Variants in SOCS7 observed in about 807,000 individuals in gnomAD.
SOCS7 encodes the protein NAP-4.
SOCS7 carries 18 observed loss-of-function variants against 58.9 expected under a neutral mutation model. The observed-to-expected ratio is 0.31, with a 90% CI of 0.21 to 0.45. The LOEUF is 0.45. Ranked by LOEUF, SOCS7 falls within the 20% of genes least tolerant of loss-of-function variation. The pLI is 1.00. For missense variants in SOCS7, 667 were observed against 837.3 expected, an observed-to-expected ratio of 0.80 and a Z score of 2.51; for synonymous variants, 388 against 364.3, an observed-to-expected ratio of 1.06 and a Z score of -0.74.
chr17:38,396,895 A>T (rs1203265094), intron 9 of SOCS7, among the ~76,000 whole-genome samples: 1 of 152,186 alleles, frequency 6.6e-6, no homozygotes, highest in African/African-American at 2.4e-5. Context: ...GCCTTTGGAA[A>T]TGACTAAATA....
rs41473346 is a variant in SOCS7, at chr17:38,367,831, T to G, written c.1384-51T>G. 4,756 of 1,555,202 alleles carry G rather than the reference T, an allele frequency of 3.1e-3. 110 individuals are homozygous for G. The African/African-American group carries it at 0.053, about 17-fold the overall frequency. ...GTTAAGATAGATTGCACTGAAAACT[T>G]TGACATTTCTCTGTCCTGATAACTA... On this transcript the variant is annotated intron_variant, in intron 5 of 9. Transcript: ENST00000612932.
Position 38,355,284 on chromosome 17 carries a change from A to G in SOCS7, c.980+2252A>G, listed in dbSNP as rs41536644. ...CGTTGACTGTCTTGTTCCTGTCCTT[A>G]TAAGAGTAGATTGTTGAGAAGAGAA... is the stretch of plus-strand genomic sequence containing the variant. On this transcript the variant is annotated intron_variant, in intron 1 of 9. Transcript: ENST00000612932. 4.5e-3 allele frequency among the ~76,000 whole-genome samples: 682 copies of G among 152,262 alleles called. 6 individuals are homozygous for G. The highest frequency in any genetic ancestry group is 0.016 in the African/African-American group (659 of 41,534).
chr17:38,390,086 C>G (rs190643382), intron 7 of SOCS7, among the ~76,000 whole-genome samples: 105 of 150,296 alleles, frequency 7.0e-4, no homozygotes, highest in Admixed American at 2.5e-3. Flanking sequence ...CGTACCCAGC[C>G]TTGAATTTTT....
intron 7 of SOCS7, 122 bp from the exon 8 acceptor site, chr17:38,395,187 C>G: frequency 3.2e-6 from 3 of 945,278 alleles, no homozygotes; most frequent in Non-Finnish European, 4.6e-6. Context: ...GGCTTTTGCA[C>G]AGAATACATA....
At chr17:38,390,160 C>T (rs920413595) in intron 7 of SOCS7, among the ~76,000 whole-genome samples, 1 of 151,622 alleles carries the variant, frequency 6.6e-6, no homozygotes, top group African/African-American at 2.4e-5. Flanking sequence ...GTTGTTCTAG[C>T]GCCATTTGTT....
rs1211383856 is a variant in SOCS7 at position 38,361,791 on chromosome 17, TTCTC to T, written c.1045+20_1045+23del. 3 of 1,585,720 alleles carry T rather than the reference TTCTC, an allele frequency of 1.9e-6. No individual in the cohort carries two copies. The African/African-American group carries it at 4.1e-5, about 21-fold the overall frequency. ...CTGTTCACAGGTAAGGGTAATATCT[TTCTC>T]TCTTCTGACATCTGAAAACAGGGGC... is the stretch of plus-strand genomic sequence containing the variant. On this transcript the variant is annotated intron_variant, in intron 2 of 9. Transcript: ENST00000612932.
intron 6 of SOCS7, among the ~76,000 whole-genome samples, chr17:38,373,728 C>G (rs1490003695): frequency 6.6e-6 from 1 of 152,200 alleles, no homozygotes; most frequent in Non-Finnish European, 1.5e-5. Flanking sequence ...ACCCAGAACC[C>G]CATCAGTTCA....
rs1018844028 is a variant in SOCS7, at chr17:38,403,390, C to T, written c.*3908C>T. The stretch of plus-strand genomic sequence containing the variant: ...TGCCCTGGAATCCAGCCGTGTCAGC[C>T]CTCACCCCAGGGCCCCCAGGAAAGC... On this transcript the variant is annotated 3_prime_UTR_variant, in exon 10 of 10. Transcript: ENST00000612932. 2 of 152,274 alleles carry T rather than the reference C, an allele frequency of 1.3e-5. No homozygotes were observed. Among genetic ancestry groups the T allele is most frequent in the South Asian group, 2.1e-4 (1 of 4,832 alleles). 9.4% of individuals were successfully genotyped at this position (152,274 alleles called of 1,614,324 possible).
rs191302539 is a variant in SOCS7 at position 38,383,822 on chromosome 17, G to A, written c.1681+5980G>A. ...GCCTCCCAAAGTGCTGGGATTACAG[G>A]GGTGAGCCACCGCGCCCAGCCTGCT... On this transcript the variant is annotated intron_variant, in intron 7 of 9. Transcript: ENST00000612932. Among the ~76,000 whole-genome samples, 476 of 152,270 alleles carry A rather than the reference G, an allele frequency of 3.1e-3. 1 individual carries two copies. The highest frequency in any genetic ancestry group is 0.01 in the Middle Eastern group (3 of 294).
intron 7 of SOCS7, among the ~76,000 whole-genome samples, chr17:38,392,572 C>T (rs1042871115): frequency 6.6e-6 from 1 of 152,166 alleles, no homozygotes; most frequent in African/African-American, 2.4e-5. Flanking sequence ...TAAATATATT[C>T]AGGTGAGAAA....
rs1555571102 is a variant in SOCS7 at position 38,389,906 on chromosome 17, T to TATATATATAG, written c.1682-5402_1682-5401insTATATATAGA. Among the ~76,000 whole-genome samples, 414 of 103,416 alleles carry TATATATATAG rather than the reference T, an allele frequency of 4.0e-3. 20 individuals carry two copies. The highest frequency in any genetic ancestry group is 0.016 in the African/African-American group (340 of 21,270). 67.8% of individuals were successfully genotyped at this position (103,416 alleles called of 152,430 possible). ...ATGTACATATATATATATACACATA[T>TATATATATAG]AGAGAGAGAGAGAGAGAGAGAGTGA... On this transcript the variant is annotated intron_variant, in intron 7 of 9. Coordinates refer to ENST00000612932, the MANE Select transcript of SOCS7 (RefSeq NM_014598.4).
intron 2 of SOCS7, among the ~76,000 whole-genome samples, chr17:38,363,254 A>T (rs928513049): frequency 2.6e-5 from 4 of 152,214 alleles, no homozygotes; most frequent in Admixed American, 6.5e-5. Flanking sequence ...GTCTGGCTCC[A>T]TCGCATTGCT....
intron 6 of SOCS7, among the ~76,000 whole-genome samples, chr17:38,371,472 G>C (rs973322565): frequency 6.6e-6 from 1 of 151,616 alleles, no homozygotes; most frequent in Non-Finnish European, 1.5e-5. Context: ...GTTTCACCAT[G>C]TTGGCCAGGT....
chr17:38,399,418 G>A (rs753842793), intron 9 of SOCS7, 95 bp from the exon 10 acceptor site: 3 of 152,244 alleles, frequency 2.0e-5, no homozygotes, highest in Non-Finnish European at 4.4e-5. Context: ...TCCTTTTGAG[G>A]TGTGCTGCTC....
intron 9 of SOCS7, among the ~76,000 whole-genome samples, chr17:38,399,077 G>A (rs2038282966): frequency 7.0e-6 from 1 of 142,492 alleles, no homozygotes; most frequent in Non-Finnish European, 1.5e-5. Flanking sequence ...GACAGAGCGA[G>A]ACTCCGTCTC....
Position 38,395,502 on chromosome 17 carries a change from A to G in SOCS7, c.1817+58A>G. 2.6e-6 allele frequency: 4 copies of G among 1,559,412 alleles called. No individual in the cohort carries two copies. In the East Asian group the frequency reaches 9.0e-5, roughly 35 times the overall value. On this transcript the variant is annotated intron_variant, in intron 8 of 9. Transcript: ENST00000612932. The stretch of plus-strand genomic sequence containing the variant: ...TGAGTAAGGGGGTTGTGGGGAGGTA[A>G]CAATGTCAGTGAGGCCTGCAAGCTA...
At chr17:38,380,622 C>T (rs1448476943) in intron 7 of SOCS7, among the ~76,000 whole-genome samples, 1 of 148,888 alleles carries the variant, frequency 6.7e-6, no homozygotes, top group East Asian at 2.0e-4. Context: ...CCAAGCAAGA[C>T]TCTGTCTCAA....
chr17:38,376,403 T>G (rs1220176279), intron 6 of SOCS7, among the ~76,000 whole-genome samples: 1 of 152,094 alleles, frequency 6.6e-6, no homozygotes, highest in Non-Finnish European at 1.5e-5. Context: ...ACACAGACAG[T>G]GGTCCTGGCC....
At chr17:38,398,268 G>A (rs1177284176) in intron 9 of SOCS7, among the ~76,000 whole-genome samples, 2 of 146,604 alleles carry the variant, frequency 1.4e-5, no homozygotes, top group African/African-American at 5.1e-5. Context: ...TTGAGATGGA[G>A]TTTCGCTCTT....
Sources: allele counts gnomAD v4.1 joint callset (sites outside exome capture counted in the v4.1 genomes callset), GRCh38; gene constraint gnomAD v4.1.1; transcripts MANE v1.5; gene names NCBI Gene and HGNC (gene_info 2026-07-23, HGNC 2026-07-21).